PRR16: variants seen among roughly 807,000 people sequenced by gnomAD.
PRR16 encodes the protein protein Largen.
In PRR16, 6 loss-of-function variants were observed where a neutral mutation model predicts 18.2. The ratio of observed to expected loss-of-function variants is 0.33; its 90% CI spans 0.18 to 0.65. The LOEUF is 0.65. Among genes scored for constraint, PRR16 ranks in the 30% least tolerant of loss-of-function variants. The pLI is 0.74. For missense variants in PRR16, 412 were observed against 376.6 expected (o/e 1.09, Z -0.78); for synonymous variants, 151 against 147.8 (o/e 1.02, Z -0.16).
intron 1 of PRR16, among the ~76,000 whole-genome samples, chr5:120,615,361 A>G (rs1038711061): frequency 7.9e-5 from 11 of 138,442 alleles, no homozygotes; most frequent in Non-Finnish European, 1.6e-4. Flanking sequence ...GCCACTTTCT[A>G]TGGATTTCTT....
intron 1 of PRR16, among the ~76,000 whole-genome samples, chr5:120,682,942 C>T (rs1757015909): frequency 6.6e-6 from 1 of 152,020 alleles, no homozygotes. Flanking sequence ...TATGTTAGGC[C>T]TTTAGAATGC....
chr5:120,582,168 C>G (rs901067116), intron 1 of PRR16, among the ~76,000 whole-genome samples: 18 of 152,086 alleles, frequency 1.2e-4, no homozygotes, highest in Non-Finnish European at 2.6e-4. Flanking sequence ...ATGCCTGGAG[C>G]TGGAGATCAT....
the PRR16 span, among the ~76,000 whole-genome samples, chr5:120,720,758 C>T: frequency 3.7e-4 from 56 of 152,042 alleles, no homozygotes; most frequent in African/African-American, 1.3e-3. Flanking sequence ...ATATTTAAGG[C>T]AAATGTTTTC....
intron 1 of PRR16, among the ~76,000 whole-genome samples, chr5:120,612,315 G>A (rs957693154): frequency 3.3e-5 from 5 of 152,136 alleles, no homozygotes; most frequent in Admixed American, 3.3e-4. Flanking sequence ...TGGACTGTTG[G>A]GAAGGCATGA....
rs764059932 is a variant in PRR16 at position 120,686,462 on chromosome 5, G to C, written c.668G>C (p.Arg223Pro). The C allele has an allele frequency of 1.9e-6, 3 of 1,613,976 alleles. No individual in the cohort carries two copies. The highest frequency in any genetic ancestry group is 2.5e-6 in the Non-Finnish European group (3 of 1,179,974). The change falls in exon 2 of 2, where the codon CGG becomes CCG. Residue 223 changes from arginine (R) to proline (P), a missense_variant. Arg to Pro is a moderately radical substitution (Grantham distance 103, BLOSUM62 -2). Coordinates refer to ENST00000407149, the MANE Select transcript of PRR16 (RefSeq NM_001300783.2). ...GGCTATTGTCCTGACTGTGATACCC[G>C]GTATAACATAAAAAACAGGGAGGTC... Reference protein sequence around the residue: ...YHGYCPDCDTRYNIKNREVHL... With the variant: ...YHGYCPDCDTPYNIKNREVHL...
chr5:120,528,884 T>C (rs148073848), intron 1 of PRR16, among the ~76,000 whole-genome samples: 2,433 of 152,302 alleles, frequency 0.016, 23 homozygotes, highest in Middle Eastern at 0.13. Flanking sequence ...ATAGTTTTGA[T>C]GTTCTTCATA....
At chr5:120,643,272 C>T (rs913527020) in intron 1 of PRR16, among the ~76,000 whole-genome samples, 3 of 151,730 alleles carry the variant, frequency 2.0e-5, no homozygotes, top group African/African-American at 7.2e-5. Context: ...TTCTTTTTAG[C>T]TTCTCTATTT....
rs539211341 is a variant in PRR16 at position 120,513,225 on chromosome 5, A to G, written c.159+48580A>G. On this transcript the variant is annotated intron_variant, in intron 1 of 1. Transcript: ENST00000407149. Reference sequence around the variant, plus strand: ...TCTGCAACCTGTCTTCATTGTTGCAACCTCTCATAACAGTTTCTTTCTACT... The same window carrying G: ...TCTGCAACCTGTCTTCATTGTTGCAGCCTCTCATAACAGTTTCTTTCTACT... Among the ~76,000 whole-genome samples, 4 of 152,088 alleles carry G rather than the reference A, an allele frequency of 2.6e-5. No homozygotes were observed. In the South Asian group the frequency reaches 8.3e-4, roughly 32 times the overall value.
chr5:120,737,049 C>T, the PRR16 span, among the ~76,000 whole-genome samples: 22,406 of 152,062 alleles, frequency 0.15, 2,472 homozygotes, highest in African/African-American at 0.31. Flanking sequence ...TGAAGAGAAA[C>T]GATTTATGCA....
At chr5:120,627,067 C>T (rs1339796459) in intron 1 of PRR16, among the ~76,000 whole-genome samples, 1 of 152,052 alleles carries the variant, frequency 6.6e-6, no homozygotes, top group Non-Finnish European at 1.5e-5. Flanking sequence ...AATACACTTC[C>T]TTATAGTCAA....
intron 1 of PRR16, among the ~76,000 whole-genome samples, chr5:120,556,822 A>G (rs1018024576): frequency 1.3e-5 from 2 of 151,896 alleles, no homozygotes; most frequent in African/African-American, 4.8e-5. Flanking sequence ...CTGAACCTAC[A>G]AAATCATATG....
intron 1 of PRR16, among the ~76,000 whole-genome samples, chr5:120,564,463 G>T (rs1390007483): frequency 4.0e-5 from 6 of 151,824 alleles, no homozygotes; most frequent in African/African-American, 1.4e-4. Flanking sequence ...CCTCTAGCTA[G>T]GTCTGGTCTA....
intron 1 of PRR16, among the ~76,000 whole-genome samples, chr5:120,679,971 T>A (rs1485504289): frequency 2.0e-5 from 3 of 152,110 alleles, no homozygotes; most frequent in Admixed American, 1.3e-4. Context: ...TATTCAGGAT[T>A]TTTGCTAAAT....
intron 1 of PRR16, among the ~76,000 whole-genome samples, chr5:120,576,445 C>T (rs1486810779): frequency 6.6e-6 from 1 of 152,020 alleles, no homozygotes; most frequent in African/African-American, 2.4e-5. Context: ...TAGGGAAATG[C>T]AAATTAAAAC....
the PRR16 span, among the ~76,000 whole-genome samples, chr5:120,794,431 A>G: frequency 2.6e-5 from 4 of 152,114 alleles, no homozygotes; most frequent in Non-Finnish European, 5.9e-5. Flanking sequence ...CGCTATTTCA[A>G]GCATATGCAT....
chr5:120,603,150 C>T (rs1268209167), intron 1 of PRR16, among the ~76,000 whole-genome samples: 1 of 151,988 alleles, frequency 6.6e-6, no homozygotes, highest in African/African-American at 2.4e-5. Flanking sequence ...ACCAACTCTT[C>T]CTTGCCTGTC....
At chr5:120,611,702 G>A (rs1440227194) in intron 1 of PRR16, among the ~76,000 whole-genome samples, 1 of 152,226 alleles carries the variant, frequency 6.6e-6, no homozygotes, top group African/African-American at 2.4e-5. Context: ...TGGATGCCCA[G>A]GCAAAAGTTT....
At chr5:120,768,635 G>A in the PRR16 span, among the ~76,000 whole-genome samples, 1 of 151,580 alleles carries the variant, frequency 6.6e-6, no homozygotes, top group Non-Finnish European at 1.5e-5. Context: ...ATTACAAAGA[G>A]AAAAACAAAG....
the PRR16 span, among the ~76,000 whole-genome samples, chr5:120,741,215 T>A: frequency 5.3e-5 from 8 of 152,180 alleles, no homozygotes; most frequent in African/African-American, 1.9e-4. Context: ...TTAATTCTAA[T>A]AATTTACATG....
Sources: gnomAD v4.1 joint callset for allele counts (sites outside exome capture counted in the v4.1 genomes callset) on GRCh38, gnomAD v4.1.1 for gene constraint, MANE v1.5 for transcripts, NCBI Gene and HGNC (gene_info 2026-07-23, HGNC 2026-07-21) for gene names.